Variants in DSCAM observed in about 807,000 individuals in gnomAD.
The protein encoded by DSCAM is DS cell adhesion molecule, also known as cell adhesion molecule DSCAM.
In DSCAM, 47 loss-of-function variants were observed where a neutral mutation model predicts 217.7. The ratio of observed to expected loss-of-function variants is 0.22; its 90% CI spans 0.17 to 0.28. The LOEUF is 0.28. DSCAM is among the 10% of genes least tolerant of loss of function. The pLI, the probability that DSCAM is intolerant of heterozygous loss-of-function variation, is 1.00. For missense variants in DSCAM, 2,080 were observed against 2,618.3 expected, an observed-to-expected ratio of 0.79 and a Z score of 4.49; for synonymous variants, 1,056 against 1,015.3, an observed-to-expected ratio of 1.04 and a Z score of -0.76.
chr21:40,828,152 C>A (rs1456795902), intron 1 of DSCAM, among the ~76,000 whole-genome samples: 2 of 152,174 alleles, frequency 1.3e-5, no homozygotes, highest in African/African-American at 2.4e-5. Flanking sequence ...CCTGTATTTG[C>A]AGCACTTTGG....
chr21:40,416,738 C>T (rs1249604544), intron 3 of DSCAM, among the ~76,000 whole-genome samples: 1 of 150,752 alleles, frequency 6.6e-6, no homozygotes, highest in East Asian at 1.9e-4. Context: ...AATAAAATTT[C>T]ATGAATGATA....
intron 1 of DSCAM, among the ~76,000 whole-genome samples, chr21:40,766,875 G>A (rs998294558): frequency 1.3e-5 from 2 of 151,760 alleles, no homozygotes; most frequent in African/African-American, 2.4e-5. Context: ...TAGTAAAGAC[G>A]GGGTTTCACC....
chr21:40,370,848 A>G (rs1011404259), intron 3 of DSCAM, among the ~76,000 whole-genome samples: 25 of 152,020 alleles, frequency 1.6e-4, no homozygotes, highest in African/African-American at 6.0e-4. Flanking sequence ...TCTTGAACTC[A>G]TGAGCTCAAG....
intron 32 of DSCAM, among the ~76,000 whole-genome samples, chr21:40,042,132 G>A (rs535928555): frequency 6.6e-6 from 1 of 152,184 alleles, no homozygotes; most frequent in Non-Finnish European, 1.5e-5. Flanking sequence ...CCAGCCCCAG[G>A]AGAGCCTCTG....
At position 40,208,885 on chromosome 21, in the gene DSCAM, A is replaced by G. The variant is rs532806943; in HGVS notation, c.2357-19647T>C. 1.2e-4 allele frequency among the ~76,000 whole-genome samples: 18 copies of G among 152,260 alleles called. No homozygotes were observed. In the South Asian group the frequency reaches 3.1e-3, roughly 26 times the overall value. On this transcript the variant is annotated intron_variant, in intron 11 of 32. Coordinates refer to ENST00000400454, the MANE Select transcript of DSCAM (RefSeq NM_001389.5). The stretch of plus-strand genomic sequence containing the variant: ...TCTGATCCTCTAGGAAGATTAAGAA[A>G]TTTTTGCTGGCAATAGGAAGCATGC...
intron 20 of DSCAM, among the ~76,000 whole-genome samples, chr21:40,114,394 C>T (rs2089940812): frequency 1.3e-5 from 2 of 151,268 alleles, no homozygotes; most frequent in African/African-American, 2.4e-5. Flanking sequence ...CTTCCTTACA[C>T]CTTATACAAA....
intron 3 of DSCAM, among the ~76,000 whole-genome samples, chr21:40,425,991 C>T (rs934903674): frequency 6.6e-6 from 1 of 152,196 alleles, no homozygotes; most frequent in Non-Finnish European, 1.5e-5. Flanking sequence ...GTAAATTTCA[C>T]TTTGCTTGCT....
intron 11 of DSCAM, among the ~76,000 whole-genome samples, chr21:40,227,277 G>C (rs1333288039): frequency 6.6e-6 from 1 of 152,150 alleles, no homozygotes; most frequent in Admixed American, 6.5e-5. Flanking sequence ...GGAAGGCTTC[G>C]AGCTTTTCCA....
intron 11 of DSCAM, among the ~76,000 whole-genome samples, chr21:40,209,232 C>T (rs958059546): frequency 6.6e-6 from 1 of 152,114 alleles, no homozygotes; most frequent in African/African-American, 2.4e-5. Flanking sequence ...GTTAAGGAAG[C>T]AGTGGGGGAG....
intron 11 of DSCAM, among the ~76,000 whole-genome samples, chr21:40,252,653 T>C (rs1169079305): frequency 1.3e-5 from 2 of 152,190 alleles, no homozygotes; most frequent in Non-Finnish European, 2.9e-5. Context: ...GCCAGGTACA[T>C]GCAAGTGAGT....
chr21:40,782,266 A>C (rs905347525), intron 1 of DSCAM, among the ~76,000 whole-genome samples: 1 of 152,144 alleles, frequency 6.6e-6, no homozygotes, highest in Non-Finnish European at 1.5e-5. Flanking sequence ...TATCACGTCC[A>C]GCAACTATTT....
At chr21:40,451,067 G>C (rs111622201) in intron 3 of DSCAM, among the ~76,000 whole-genome samples, 31 of 152,294 alleles carry the variant, frequency 2.0e-4, no homozygotes, top group African/African-American at 7.2e-4. Flanking sequence ...CGTCAGTGGA[G>C]TTGGGGGCAG....
At position 40,708,733 on chromosome 21, in the gene DSCAM, T is replaced by C. The variant is rs959290137; in HGVS notation, c.82A>G (p.Asn28Asp). The change falls in exon 2 of 33, where the codon AAT (asparagine) becomes GAT (aspartate). Residue 28 changes from asparagine to aspartate, a missense_variant. Around this residue, in one of 5 missense-constraint regions of DSCAM, gnomAD observed 568 missense variants for 678.1 expected, o/e 0.84. Transcript: ENST00000400454. ...EDLHSSLYFV[N>D]ASLQEVVFAS... ...AACACTACCTCTTGCAGAGATGCATTGACAAAGTAGAGGCTGGAGTGTAGG... is the reference window on the plus strand; with the variant it reads ...AACACTACCTCTTGCAGAGATGCATCGACAAAGTAGAGGCTGGAGTGTAGG... 21 of 1,602,800 alleles carry C rather than the reference T, an allele frequency of 1.3e-5. No individual in the cohort carries two copies. The highest frequency in any genetic ancestry group is 1.6e-5 in the Non-Finnish European group (19 of 1,173,954).
chr21:40,374,956 T>C (rs1290991043), intron 3 of DSCAM, among the ~76,000 whole-genome samples: 1 of 152,192 alleles, frequency 6.6e-6, no homozygotes, highest in African/African-American at 2.4e-5. Context: ...ACCAAGATAT[T>C]ATCTTCAGAA....
At chr21:40,093,692 G>A in intron 21 of DSCAM, 29 bp downstream of exon 21, 2 of 1,612,874 alleles carry the variant, frequency 1.2e-6, no homozygotes, top group South Asian at 1.1e-5. Context: ...GTTACAACAG[G>A]AAATGAGGTC....
At position 40,358,545 on chromosome 21, in the gene DSCAM, G is replaced by A. The variant is rs139029174; in HGVS notation, c.656-4802C>T. Among the ~76,000 whole-genome samples the A allele has an allele frequency of 2.2e-3, 341 of 152,146 alleles. 2 individuals are homozygous for A. Among genetic ancestry groups the A allele is most frequent in the African/African-American group, 7.9e-3 (329 of 41,534 alleles). On this transcript the variant is annotated intron_variant, in intron 4 of 32. Coordinates refer to ENST00000400454, the MANE Select transcript of DSCAM (RefSeq NM_001389.5). The stretch of plus-strand genomic sequence containing the variant: ...GAACTGGCCCAGTGCGGTGACTCAC[G>A]CCTGTAATCCCAGCACTCTGGGAGG...
At chr21:40,317,401 C>T (rs1420886092) in intron 8 of DSCAM, among the ~76,000 whole-genome samples, 1 of 152,194 alleles carries the variant, frequency 6.6e-6, no homozygotes, top group Non-Finnish European at 1.5e-5. Context: ...CAAGTGAGTA[C>T]AGTGATTTAT....
intron 3 of DSCAM, among the ~76,000 whole-genome samples, chr21:40,612,724 G>A (rs1259789869): frequency 6.6e-6 from 1 of 152,202 alleles, no homozygotes; most frequent in Admixed American, 6.5e-5. Flanking sequence ...TCTGGCTGAA[G>A]TGTGGAGATG....
intron 3 of DSCAM, among the ~76,000 whole-genome samples, chr21:40,686,263 A>ACACAG (rs1247210893): frequency 6.9e-6 from 1 of 144,788 alleles, no homozygotes; most frequent in Non-Finnish European, 1.5e-5. Flanking sequence ...CACACTCCAC[A>ACACAG]CACACACCCC....
Sources: gnomAD v4.1 joint callset for allele counts (sites outside exome capture counted in the v4.1 genomes callset) on GRCh38, gnomAD v4.1.1 for gene constraint, gnomAD v4.1.1 regional missense constraint, MANE v1.5 for transcripts, NCBI Gene and HGNC (gene_info 2026-07-23, HGNC 2026-07-21) for gene names.